The following MARK3 variants were observed in gnomAD, a reference collection of about 807,000 sequenced individuals.
The protein encoded by MARK3 is MAP/microtubule affinity-regulating kinase 3.
MARK3 carries 46 observed loss-of-function variants against 90.1 expected under a neutral mutation model. The observed-to-expected ratio is 0.51, with a 90% CI of 0.40 to 0.65. MARK3 has a LOEUF of 0.65. Among genes scored for constraint, MARK3 ranks in the 30% least tolerant of loss-of-function variants. The probability of loss-of-function intolerance (pLI) is 0.00; values close to 1 mark genes in which losing one functional copy is unlikely to be tolerated. For synonymous variants in MARK3, 321 were observed against 332.6 expected, an observed-to-expected ratio of 0.97 and a Z score of 0.38; for missense variants, 818 against 947.2, an observed-to-expected ratio of 0.86 and a Z score of 1.79.
chr14:103,429,855 A>T (rs1237132670), intron 3 of MARK3, among the ~76,000 whole-genome samples: 1 of 152,218 alleles, frequency 6.6e-6, no homozygotes, highest in Non-Finnish European at 1.5e-5. Flanking sequence ...CATACCTTCC[A>T]CTATTCATGT....
intron 2 of MARK3, among the ~76,000 whole-genome samples, chr14:103,420,836 CT>C (rs1295346366): frequency 1.3e-5 from 2 of 152,088 alleles, no homozygotes; most frequent in African/African-American, 2.4e-5. Context: ...CAAGGGGACA[CT>C]TTGCTTTCTT....
intron 2 of MARK3, among the ~76,000 whole-genome samples, chr14:103,414,149 C>T (rs1490847479): frequency 1.3e-5 from 2 of 151,746 alleles, no homozygotes; most frequent in Admixed American, 6.6e-5. Flanking sequence ...AACCTAAAGC[C>T]TCTGGTCTGG....
intron 3 of MARK3, among the ~76,000 whole-genome samples, chr14:103,445,189 G>A (rs2092963139): frequency 6.6e-6 from 1 of 152,120 alleles, no homozygotes; most frequent in Admixed American, 6.6e-5. Context: ...TATTAGCTGA[G>A]TCTTTGGATG....
chr14:103,385,776 C>G lies in MARK3; in HGVS notation c.-254C>G. 1 of 395,582 alleles carries G rather than the reference C, an allele frequency of 2.5e-6. No homozygotes were observed. The highest frequency in any genetic ancestry group is 4.5e-6 in the Non-Finnish European group (1 of 224,098). The allele number at this position is 395,582 out of a possible 1,614,324, so 24.5% of individuals were successfully genotyped here. On this transcript the variant is annotated 5_prime_UTR_variant, in exon 1 of 18. Transcript: ENST00000429436. ...CGAAGCGCAGCCCGCCGCCCGCAGG[C>G]TCGGCTCCGCCACTGCCGCCCTCCC...
intron 2 of MARK3, among the ~76,000 whole-genome samples, chr14:103,405,584 G>A (rs545973165): frequency 6.6e-6 from 1 of 151,748 alleles, no homozygotes; most frequent in Non-Finnish European, 1.5e-5. Context: ...CTTGTGATCC[G>A]CCCGTCTCGG....
chr14:103,491,966 A>C lies in MARK3; in HGVS notation c.1776A>C (p.Pro592=), dbSNP rs747779082. ...ASPSLSHEAT[P]LSQTRSRGST... ...CCAGCCTGTCCCATGAAGCCACACC[A>C]TTGTCCCAGACTCGAAGCCGAGGCT... Residue 592 remains proline (P), a synonymous_variant, in exon 15 of 18, where the codon CCA becomes CCC. Coordinates refer to ENST00000429436, the MANE Select transcript of MARK3 (RefSeq NM_001128918.3). 4 of 1,614,106 alleles carry C rather than the reference A, an allele frequency of 2.5e-6. No individual in the cohort carries two copies. The South Asian group carries it at 4.4e-5, about 18-fold the overall frequency.
At chr14:103,458,999 CTAATA>C (rs566577374) in intron 6 of MARK3, among the ~76,000 whole-genome samples, 152 of 151,744 alleles carry the variant, frequency 1.0e-3, no homozygotes, top group Non-Finnish European at 1.8e-3. Context: ...CTTTGCAATT[CTAATA>C]TAATTTGATT....
chr14:103,502,592 T>C (rs979145262), intron 17 of MARK3, among the ~76,000 whole-genome samples: 1 of 152,228 alleles, frequency 6.6e-6, no homozygotes, highest in Non-Finnish European at 1.5e-5. Flanking sequence ...TTTTGCCTGA[T>C]TTCCAAGGAT....
chr14:103,448,614 G>A (rs8003497), intron 3 of MARK3, among the ~76,000 whole-genome samples: 147,303 of 152,296 alleles, frequency 0.97, 71,393 homozygotes, highest in East Asian at 1. Flanking sequence ...AATTATTCCT[G>A]CGTAAGTCTG....
chr14:103,445,478 TA>T (rs1258908678), intron 3 of MARK3, among the ~76,000 whole-genome samples: 6 of 152,216 alleles, frequency 3.9e-5, no homozygotes, highest in African/African-American at 1.4e-4. Context: ...TTATTTGGGC[TA>T]ATATCCTGCC....
At chr14:103,455,682 C>T (rs536033571) in intron 5 of MARK3, among the ~76,000 whole-genome samples, 25 of 144,166 alleles carry the variant, frequency 1.7e-4, no homozygotes, top group Non-Finnish European at 2.7e-4. Context: ...GAGCCAAGAT[C>T]GGGCCACTGC....
In MARK3 at chr14:103,503,508, G is replaced by A. The variant is rs1183293251; in HGVS notation, c.*281G>A. 7.3e-5 allele frequency: 33 copies of A among 451,188 alleles called. No homozygotes were observed. The Admixed American group carries it at 1.3e-3, about 18-fold the overall frequency. The allele number at this position is 451,188 out of a possible 1,614,324, so 27.9% of individuals were successfully genotyped here. A position where few individuals can be genotyped will look rare whatever the true frequency, so the allele number is the denominator to read the frequency against. ...GCCTCCCGTCTGGGTGGGTGTGAGA[G>A]TGGACGGTATGTGTGTGAAGTGGTG... is the stretch of plus-strand genomic sequence containing the variant. On this transcript the variant is annotated 3_prime_UTR_variant, in exon 18 of 18. Coordinates refer to ENST00000429436, the MANE Select transcript of MARK3 (RefSeq NM_001128918.3).
intron 1 of MARK3, among the ~76,000 whole-genome samples, chr14:103,402,252 T>G (rs1325537607): frequency 6.6e-6 from 1 of 152,166 alleles, no homozygotes; most frequent in Non-Finnish European, 1.5e-5. Context: ...TGGATGCCTG[T>G]GAATCTTAAG....
intron 14 of MARK3, among the ~76,000 whole-genome samples, chr14:103,486,187 C>T (rs2093926175): frequency 6.6e-6 from 1 of 152,072 alleles, no homozygotes; most frequent in Admixed American, 6.5e-5. Context: ...ACCTATAATC[C>T]CAGCACTTTG....
At chr14:103,467,341 C>A in intron 11 of MARK3, 150 bp downstream of exon 11, 1 of 485,958 alleles carries the variant, frequency 2.1e-6, no homozygotes, top group Non-Finnish European at 3.7e-6. Flanking sequence ...AATCCTATGA[C>A]TATTATAAGC....
chr14:103,434,928 C>G (rs1385790072), intron 3 of MARK3, among the ~76,000 whole-genome samples: 7 of 152,172 alleles, frequency 4.6e-5, no homozygotes, highest in Non-Finnish European at 8.8e-5. Context: ...CACCAGACAC[C>G]TACCCAGGAA....
chr14:103,461,100 G>A (rs554631201), intron 6 of MARK3, among the ~76,000 whole-genome samples: 271 of 152,202 alleles, frequency 1.8e-3, no homozygotes, highest in Middle Eastern at 6.8e-3. Flanking sequence ...TTATGTCCAC[G>A]GGTGGGTCCA....
Position 103,432,147 on chromosome 14 carries a change from C to G in MARK3, c.297+3707C>G, listed in dbSNP as rs541700575. On this transcript the variant is annotated intron_variant, in intron 3 of 17. Coordinates refer to ENST00000429436, the MANE Select transcript of MARK3 (RefSeq NM_001128918.3). ...ATTAAAATATTAAACAAGACAAGAA[C>G]AAGACTTTTCAATGGAGAATTCATC... is the stretch of plus-strand genomic sequence containing the variant. Among the ~76,000 whole-genome samples, 26 of 152,226 alleles carry G rather than the reference C, an allele frequency of 1.7e-4. No homozygotes were observed. In the South Asian group the frequency reaches 5.4e-3, roughly 32 times the overall value.
At chr14:103,392,075 T>C (rs547294010) in intron 1 of MARK3, among the ~76,000 whole-genome samples, 40 of 152,328 alleles carry the variant, frequency 2.6e-4, no homozygotes, top group African/African-American at 8.9e-4. Flanking sequence ...GTTACTGATA[T>C]GTGTGCATCA....
Sources: allele counts gnomAD v4.1 joint callset (sites outside exome capture counted in the v4.1 genomes callset), GRCh38; gene constraint gnomAD v4.1.1; transcripts MANE v1.5; gene names NCBI Gene and HGNC (gene_info 2026-07-23, HGNC 2026-07-21).